Variants in ALG10B observed in about 807,000 individuals in gnomAD.
ALG10B encodes ALG10 alpha-1,2-glucosyltransferase B.
In ALG10B, 27 loss-of-function variants were observed where a neutral mutation model predicts 38.7. The ratio of observed to expected loss-of-function variants is 0.70; its 90% CI spans 0.51 to 0.96. The LOEUF is 0.96. ALG10B is among the 40% of genes least tolerant of loss of function. The pLI is 0.00. For synonymous variants in ALG10B, 177 were observed against 193.3 expected (o/e 0.92, Z 0.70); for missense variants, 522 against 542.7 (o/e 0.96, Z 0.38).
At chr12:38,317,099 G>A in intron 1 of ALG10B, 35 bp downstream of exon 1, 4 of 1,613,568 alleles carry the variant, frequency 2.5e-6, no homozygotes, top group Non-Finnish European at 3.4e-6. Context: ...CCCAGGAGAG[G>A]CCTGAAAGGT....
At position 38,329,391 on chromosome 12, in the gene ALG10B, G is replaced by A. The variant is rs1350830352; in HGVS notation, c.*8178G>A. The A allele has an allele frequency of 5.1e-6, 2 of 393,872 alleles. No homozygotes were observed. The highest frequency in any genetic ancestry group is 4.1e-5 in the African/African-American group (2 of 48,536). 24.4% of individuals were successfully genotyped at this position (393,872 alleles called of 1,614,324 possible). A position where few individuals can be genotyped will look rare whatever the true frequency, so the allele number is the denominator to read the frequency against. On this transcript the variant is annotated 3_prime_UTR_variant, in exon 3 of 3. Transcript: ENST00000308742. ...ATTCCAGTTAACAAATGGAGAAATA[G>A]TTGTTTGAAAATTAATATTTAGCTT... is the stretch of plus-strand genomic sequence containing the variant.
At position 38,320,696 on chromosome 12, in the gene ALG10B, C is replaced by A. The variant is rs1385309175; in HGVS notation, c.905C>A (p.Ser302Tyr). 5 of 1,613,210 alleles carry A rather than the reference C, an allele frequency of 3.1e-6. No homozygotes were observed. The highest frequency in any genetic ancestry group is 1.7e-5 in the Admixed American group (1 of 59,914). ...TTTTTTTCATTTACTCTCTTTTTTTCTTTTCCTCATCTCCTGTCTCCTAGC... is the reference window on the plus strand; with the variant it reads ...TTTTTTTCATTTACTCTCTTTTTTTATTTTCCTCATCTCCTGTCTCCTAGC... ...FYFFSFTLFFSFPHLLSPSKI... is the reference protein window; with the variant it reads ...FYFFSFTLFFYFPHLLSPSKI... The change falls in exon 3 of 3, where the codon TCT (serine) becomes TAT (tyrosine). Residue 302 changes from serine (S) to tyrosine (Y), a missense_variant. By Grantham distance (144) the Ser-to-Tyr change is moderately radical (BLOSUM62 -2). Transcript: ENST00000308742.
Position 38,320,797 on chromosome 12 carries a change from T to C in ALG10B, c.1006T>C (p.Leu336=), listed in dbSNP as rs770705820. 6.2e-7 allele frequency: 1 copy of C among 1,613,894 alleles called. No homozygotes were observed. The highest frequency in any genetic ancestry group is 8.5e-7 in the Non-Finnish European group (1 of 1,179,932). ...FLVVTLVSVF[L]VWKFTYAHKY... is the part of the protein sequence containing the mutation. ...GGTGGTTACCTTAGTCTCTGTGTTT[T>C]TAGTTTGGAAATTCACTTATGCTCA... Residue 336 remains leucine (L), a synonymous_variant, in exon 3 of 3, where the codon TTA becomes CTA. Coordinates refer to ENST00000308742, the MANE Select transcript of ALG10B (RefSeq NM_001013620.4).
chr12:38,317,270 C>T (rs899547393), intron 1 of ALG10B: 11 of 754,838 alleles, frequency 1.5e-5, no homozygotes, highest in Non-Finnish European at 2.3e-5. Context: ...CAGATCTGAT[C>T]CCCAGGGAGG....
Position 38,321,093 on chromosome 12 carries a change from A to G in ALG10B, c.1302A>G (p.Thr434=), listed in dbSNP as rs778694676. The G allele has an allele frequency of 1.1e-5, 18 of 1,613,740 alleles. No individual in the cohort carries two copies. The South Asian group carries it at 1.9e-4, about 17-fold the overall frequency. ...IYRLNITLPP[T]SRLVCELSCY... ...GGCTTAACATAACTCTGCCTCCCACATCCAGACTTGTTTGTGAACTGAGTT... is the reference window on the plus strand; with the variant it reads ...GGCTTAACATAACTCTGCCTCCCACGTCCAGACTTGTTTGTGAACTGAGTT... Residue 434 remains threonine, a synonymous_variant, in exon 3 of 3, where the codon ACA becomes ACG. Coordinates refer to ENST00000308742, the MANE Select transcript of ALG10B (RefSeq NM_001013620.4).
rs1251929285 is a variant in ALG10B, at chr12:38,328,794, T to C, written c.*7581T>C. The C allele has an allele frequency of 6.2e-6, 1 of 161,790 alleles. No homozygotes were observed. Among genetic ancestry groups the C allele is most frequent in the East Asian group, 1.8e-4 (1 of 5,706 alleles). The allele number at this position is 161,790 out of a possible 1,614,324, so 10.0% of individuals were successfully genotyped here. A position where few individuals can be genotyped will look rare whatever the true frequency, so the allele number is the denominator to read the frequency against. ...TTGCATATGGCATACTTCATTCATA[T>C]GACATAGTTAGAATCTTTTCCCACA... is the stretch of plus-strand genomic sequence containing the variant. On this transcript the variant is annotated 3_prime_UTR_variant, in exon 3 of 3. Transcript: ENST00000308742.
chr12:38,329,412 A>G lies in ALG10B; in HGVS notation c.*8199A>G, dbSNP rs1238483561. On this transcript the variant is annotated 3_prime_UTR_variant, in exon 3 of 3. Coordinates refer to ENST00000308742, the MANE Select transcript of ALG10B (RefSeq NM_001013620.4). Reference sequence around the variant, plus strand: ...AATAGTTGTTTGAAAATTAATATTTAGCTTCTCAAAAGAGACTCCTGTTTG... The same window carrying G: ...AATAGTTGTTTGAAAATTAATATTTGGCTTCTCAAAAGAGACTCCTGTTTG... 4 of 389,892 alleles carry G rather than the reference A, an allele frequency of 1.0e-5. No individual in the cohort carries two copies. The highest frequency in any genetic ancestry group is 1.8e-5 in the Non-Finnish European group (4 of 221,084). The allele number at this position is 389,892 out of a possible 1,614,324, so 24.2% of individuals were successfully genotyped here. A position where few individuals can be genotyped will look rare whatever the true frequency, so the allele number is the denominator to read the frequency against.
In ALG10B at chr12:38,320,707, C is replaced by G. The variant is rs143124122; in HGVS notation, c.916C>G (p.Leu306Val). 375 of 1,613,882 alleles carry G rather than the reference C, an allele frequency of 2.3e-4. 2 individuals are homozygous for G. The African/African-American group carries it at 4.4e-3, about 19-fold the overall frequency. Reference protein sequence around the residue: ...SFTLFFSFPHLLSPSKIKTFL... With the variant: ...SFTLFFSFPHVLSPSKIKTFL... ...TACTCTCTTTTTTTCTTTTCCTCAT[C>G]TCCTGTCTCCTAGCAAAATTAAGAC... The change falls in exon 3 of 3, where the codon CTC (leucine) becomes GTC (valine). Residue 306 changes from leucine (L) to valine (V), a missense_variant. By Grantham distance (32) the Leu-to-Val change is conservative (BLOSUM62 1). Transcript: ENST00000308742.
rs748683303 is a variant in ALG10B, at chr12:38,318,083, C to T, written c.172-178C>T. ...TACCTGAACCATCACTAAGCTGGTC[C>T]GGGGGCAAAAAATAAGAAAAACTAA... On this transcript the variant is annotated intron_variant, in intron 1 of 2. Coordinates refer to ENST00000308742, the MANE Select transcript of ALG10B (RefSeq NM_001013620.4). 12 of 743,280 alleles carry T rather than the reference C, an allele frequency of 1.6e-5. No homozygotes were observed. The Admixed American group carries it at 1.8e-4, about 11-fold the overall frequency. 46.0% of individuals were successfully genotyped at this position (743,280 alleles called of 1,614,324 possible). A position where few individuals can be genotyped will look rare whatever the true frequency, so the allele number is the denominator to read the frequency against.
chr12:38,320,100 G>A, intron 2 of ALG10B, 61 bp from the exon 3 acceptor site: 1 of 1,593,984 alleles, frequency 6.3e-7, no homozygotes, highest in Non-Finnish European at 8.6e-7. Flanking sequence ...CTCTTCATTA[G>A]GTAAGCAGAA....
In ALG10B at chr12:38,328,183, G is replaced by T. The variant is rs1052814212; in HGVS notation, c.*6970G>T. The T allele has an allele frequency of 9.2e-5, 14 of 152,042 alleles. No individual in the cohort carries two copies. The highest frequency in any genetic ancestry group is 9.2e-4 in the Admixed American group (14 of 15,280). 9.4% of individuals were successfully genotyped at this position (152,042 alleles called of 1,614,324 possible). ...CTGTAATTTTTAAATTCTAAATTTT[G>T]TTACAGCTAATTTTTAAAAATTAAT... On this transcript the variant is annotated 3_prime_UTR_variant, in exon 3 of 3. Transcript: ENST00000308742.
Position 38,329,332 on chromosome 12 carries a change from C to G in ALG10B, c.*8119C>G, listed in dbSNP as rs185682042. 1 of 397,394 alleles carries G rather than the reference C, an allele frequency of 2.5e-6. No homozygotes were observed. Among genetic ancestry groups the G allele is most frequent in the Non-Finnish European group, 4.4e-6 (1 of 225,468 alleles). The allele number at this position is 397,394 out of a possible 1,614,324, so 24.6% of individuals were successfully genotyped here. A position where few individuals can be genotyped will look rare whatever the true frequency, so the allele number is the denominator to read the frequency against. Reference sequence around the variant, plus strand: ...TGGAGCCTTCAGCCATATTAACATACATTGACATAAAGACCTTTGTTTTAA... The same window carrying G: ...TGGAGCCTTCAGCCATATTAACATAGATTGACATAAAGACCTTTGTTTTAA... On this transcript the variant is annotated 3_prime_UTR_variant, in exon 3 of 3. Transcript: ENST00000308742.
At position 38,328,773 on chromosome 12, in the gene ALG10B, A is replaced by C. The variant is rs964754006; in HGVS notation, c.*7560A>C. On this transcript the variant is annotated 3_prime_UTR_variant, in exon 3 of 3. Coordinates refer to ENST00000308742, the MANE Select transcript of ALG10B (RefSeq NM_001013620.4). ...TCTTCCCATATGATATGATCTTTGCATATGGCATACTTCATTCATATGACA... is the reference window on the plus strand; with the variant it reads ...TCTTCCCATATGATATGATCTTTGCCTATGGCATACTTCATTCATATGACA... 5.1e-5 allele frequency: 8 copies of C among 157,000 alleles called. No individual in the cohort carries two copies. Among genetic ancestry groups the C allele is most frequent in the African/African-American group, 1.9e-4 (8 of 41,836 alleles). 9.7% of individuals were successfully genotyped at this position (157,000 alleles called of 1,614,324 possible). A position where few individuals can be genotyped will look rare whatever the true frequency, so the allele number is the denominator to read the frequency against.
rs1945719990 is a variant in ALG10B, at chr12:38,323,634, AAGTATAATTTGAGTAATAAATGC to A, written c.*2424_*2446del. On this transcript the variant is annotated 3_prime_UTR_variant, in exon 3 of 3. Coordinates refer to ENST00000308742, the MANE Select transcript of ALG10B (RefSeq NM_001013620.4). Reference sequence around the variant, plus strand: ...AAAATTGTGTGCAGGTGAAAATTACAAGTATAATTTGAGTAATAAATGCAGGCCATTTTTTGGTTGTACTCTAG... The same window carrying A: ...AAAATTGTGTGCAGGTGAAAATTACAAGGCCATTTTTTGGTTGTACTCTAG... 1.6e-5 allele frequency: 6 copies of A among 382,138 alleles called. No homozygotes were observed. Among genetic ancestry groups the A allele is most frequent in the Non-Finnish European group, 2.4e-5 (5 of 212,356 alleles). 23.7% of individuals were successfully genotyped at this position (382,138 alleles called of 1,614,324 possible).
rs1233191803 is a variant in ALG10B, at chr12:38,326,106, G to C, written c.*4893G>C. On this transcript the variant is annotated 3_prime_UTR_variant, in exon 3 of 3. Coordinates refer to ENST00000308742, the MANE Select transcript of ALG10B (RefSeq NM_001013620.4). ...CACAGGCCACATGCAGCCCAGGATG[G>C]CTTTGAATGCGGCCCCAACACAAAT... 6.6e-6 allele frequency: 1 copy of C among 152,098 alleles called. No homozygotes were observed. Among genetic ancestry groups the C allele is most frequent in the Non-Finnish European group, 1.5e-5 (1 of 68,010 alleles). The allele number at this position is 152,098 out of a possible 1,614,324, so 9.4% of individuals were successfully genotyped here.
chr12:38,317,664 CAA>C (rs1395073259), intron 1 of ALG10B: 1 of 167,640 alleles, frequency 6.0e-6, no homozygotes, highest in Non-Finnish European at 1.3e-5. Context: ...TCTGGTGACA[CAA>C]TATAGGGTAC....
chr12:38,320,108 G>C (rs1308315833), intron 2 of ALG10B, 53 bp from the exon 3 acceptor site: 1 of 1,605,032 alleles, frequency 6.2e-7, no homozygotes, highest in Non-Finnish European at 8.5e-7. Context: ...TAGGTAAGCA[G>C]AAATAGCATT....
Position 38,323,590 on chromosome 12 carries a change from A to G in ALG10B, c.*2377A>G. ...TTGCTTCTCTGAGTTTTAAGTGATG[A>G]GTCTACATTTACAAATATAAAATTG... On this transcript the variant is annotated 3_prime_UTR_variant, in exon 3 of 3. Coordinates refer to ENST00000308742, the MANE Select transcript of ALG10B (RefSeq NM_001013620.4). The G allele has an allele frequency of 4.0e-6, 1 of 251,410 alleles. No homozygotes were observed. Among genetic ancestry groups the G allele is most frequent in the Non-Finnish European group, 7.6e-6 (1 of 131,038 alleles). 15.6% of individuals were successfully genotyped at this position (251,410 alleles called of 1,614,324 possible). A position where few individuals can be genotyped will look rare whatever the true frequency, so the allele number is the denominator to read the frequency against.
rs762278761 is a variant in ALG10B at position 38,321,013 on chromosome 12, G to A, written c.1222G>A (p.Val408Ile). ...TTTCATATGCTTGTTCATTGTTATA[G>A]TTCCTCAGAAACTGCTGGAATTTCG... ...MFFICLFIVI[V>I]PQKLLEFRYF... The change falls in exon 3 of 3, where the codon GTT (valine) becomes ATT (isoleucine). Residue 408 changes from valine (V) to isoleucine (I), a missense_variant. Transcript: ENST00000308742. The A allele has an allele frequency of 1.2e-6, 2 of 1,613,088 alleles. No homozygotes were observed. The highest frequency in any genetic ancestry group is 3.3e-5 in the Admixed American group (2 of 59,886).
Sources: gnomAD v4.1 joint callset for allele counts on GRCh38, gnomAD v4.1.1 for gene constraint, MANE v1.5 for transcripts, NCBI Gene and HGNC (gene_info 2026-07-23, HGNC 2026-07-21) for gene names.